The following RARB variants were observed in gnomAD, a reference collection of about 807,000 sequenced individuals.
RARB encodes retinoic acid receptor beta, also known as HBV-activated protein.
RARB carries 17 observed loss-of-function variants against 51.9 expected under a neutral mutation model. The ratio of observed to expected loss-of-function variants is 0.33; its 90% confidence interval spans 0.22 to 0.49. The LOEUF (loss-of-function observed/expected upper bound fraction) is 0.49. Among genes scored for constraint, RARB ranks in the 20% least tolerant of loss-of-function variants. RARB has a pLI of 0.99. For synonymous variants in RARB, 215 were observed against 195.4 expected (o/e 1.10, Z -0.84); for missense variants, 369 against 550.8 (o/e 0.67, Z 3.30).
intron 3 of RARB, among the ~76,000 whole-genome samples, chr3:25,538,585 G>A (rs1235933821): frequency 6.6e-6 from 1 of 152,150 alleles, no homozygotes; most frequent in Non-Finnish European, 1.5e-5. Context: ...TGGAGAGTAG[G>A]CATTTAGAAA....
At chr3:25,250,310 T>A (rs1428871454) in intron 5 of RARB, among the ~76,000 whole-genome samples, 1 of 152,180 alleles carries the variant, frequency 6.6e-6, no homozygotes, top group Admixed American at 6.5e-5. Context: ...CTCCATGTGA[T>A]GTGTGCAGGC....
intron 4 of RARB, among the ~76,000 whole-genome samples, chr3:25,153,539 G>T (rs780815325): frequency 1.3e-5 from 2 of 152,174 alleles, no homozygotes; most frequent in Non-Finnish European, 2.9e-5. Context: ...CTCGCCTAGA[G>T]TATCTGTGTG....
At chr3:24,993,925 T>C (rs1367076502) in intron 2 of RARB, among the ~76,000 whole-genome samples, 1 of 152,158 alleles carries the variant, frequency 6.6e-6, no homozygotes, top group African/African-American at 2.4e-5. Context: ...ACTAGGTTGA[T>C]TCCGTATCTT....
chr3:25,580,396 T>C, intron 4 of RARB, 150 bp from the exon 5 acceptor site: 3 of 709,054 alleles, frequency 4.2e-6, no homozygotes, highest in Non-Finnish European at 6.6e-6. Flanking sequence ...AAAGGATGAA[T>C]CCAGGCTAAA....
At chr3:25,188,016 G>A (rs74874278) in intron 5 of RARB, among the ~76,000 whole-genome samples, 2,019 of 152,160 alleles carry the variant, frequency 0.013, 47 homozygotes, top group African/African-American at 0.046. Context: ...AGAAATGAAT[G>A]TATTGACATG....
At chr3:25,175,319 A>G (rs189473886) in intron 5 of RARB, among the ~76,000 whole-genome samples, 16 of 152,302 alleles carry the variant, frequency 1.1e-4, no homozygotes, top group Admixed American at 5.2e-4. Flanking sequence ...TTGGTTTAGC[A>G]TCTGGAGGTG....
In RARB at chr3:25,013,564, C is replaced by T. The variant is rs565127024; in HGVS notation, c.-379-46561C>T. Among the ~76,000 whole-genome samples, 5 of 152,140 alleles carry T rather than the reference C, an allele frequency of 3.3e-5. 1 individual carries two copies. The highest frequency in any genetic ancestry group is 6.8e-3 in the Middle Eastern group (2 of 294). On this transcript the variant is annotated intron_variant, in intron 2 of 11. Transcript: ENST00000383772. The stretch of plus-strand genomic sequence containing the variant: ...CTGGGCTCTGACCTCTGATTTGAAC[C>T]CTTAACCACCATTTGCCCTCATCTC...
intron 5 of RARB, among the ~76,000 whole-genome samples, chr3:25,352,096 C>T (rs950063502): frequency 1.3e-5 from 2 of 152,130 alleles, no homozygotes; most frequent in South Asian, 2.1e-4. Flanking sequence ...TGGAGTTCTG[C>T]GTTGAAGTGG....
intron 5 of RARB, among the ~76,000 whole-genome samples, chr3:25,368,277 T>C (rs1167661750): frequency 6.6e-6 from 1 of 152,200 alleles, no homozygotes; most frequent in Non-Finnish European, 1.5e-5. Context: ...TCTGGGAATT[T>C]CTAGACTAGG....
chr3:25,107,854 C>T (rs995767194), intron 3 of RARB, among the ~76,000 whole-genome samples: 1 of 152,138 alleles, frequency 6.6e-6, no homozygotes, highest in Non-Finnish European at 1.5e-5. Flanking sequence ...TACTGTAGAT[C>T]TTAGCAACCT....
intron 3 of RARB, among the ~76,000 whole-genome samples, chr3:25,511,135 T>C (rs1343943252): frequency 4.2e-5 from 5 of 119,764 alleles, no homozygotes; most frequent in Non-Finnish European, 7.8e-5. Context: ...TTTTTTGTTT[T>C]GGTTTGTTTT....
intron 3 of RARB, among the ~76,000 whole-genome samples, chr3:25,069,368 A>G (rs753533627): frequency 6.6e-6 from 1 of 152,208 alleles, no homozygotes; most frequent in Non-Finnish European, 1.5e-5. Flanking sequence ...TTCCCTGGTG[A>G]CACAGAAAGT....
intron 2 of RARB, among the ~76,000 whole-genome samples, chr3:25,494,276 C>CACACAT (rs1225872441): frequency 1.4e-5 from 2 of 144,820 alleles, no homozygotes; most frequent in Non-Finnish European, 3.2e-5. Flanking sequence ...CACACACACA[C>CACACAT]ACATGCCATC....
intron 2 of RARB, among the ~76,000 whole-genome samples, chr3:24,991,640 G>GTTGT (rs1696914235): frequency 6.6e-6 from 1 of 152,054 alleles, no homozygotes; most frequent in African/African-American, 2.4e-5. Context: ...AACAAGCACA[G>GTTGT]TTGTATTACG....
intron 2 of RARB, among the ~76,000 whole-genome samples, chr3:24,951,091 A>T (rs1695881657): frequency 6.6e-6 from 1 of 152,128 alleles, no homozygotes. Context: ...CTTTGAAAGT[A>T]CTTTTTCAGT....
intron 4 of RARB, among the ~76,000 whole-genome samples, chr3:25,141,319 A>G (rs1411807633): frequency 6.6e-6 from 1 of 151,860 alleles, no homozygotes; most frequent in Non-Finnish European, 1.5e-5. Context: ...ATGAATAAGG[A>G]TGGTACAAAT....
intron 1 of RARB, among the ~76,000 whole-genome samples, chr3:24,847,654 G>C (rs374268070): frequency 1.3e-5 from 2 of 152,214 alleles, no homozygotes; most frequent in South Asian, 4.1e-4. Flanking sequence ...TTCTCACACT[G>C]CATGGGACTT....
intron 2 of RARB, among the ~76,000 whole-genome samples, chr3:25,004,037 G>A (rs1384001314): frequency 6.6e-6 from 1 of 152,120 alleles, no homozygotes; most frequent in Non-Finnish European, 1.5e-5. Flanking sequence ...AGCCAAGAAA[G>A]TAGTTTTTCT....
At chr3:25,204,701 G>C (rs150723776) in intron 5 of RARB, among the ~76,000 whole-genome samples, 3 of 152,200 alleles carry the variant, frequency 2.0e-5, no homozygotes, top group Non-Finnish European at 4.4e-5. Flanking sequence ...TCCAGACCCT[G>C]TTTGCCTGGG....
Sources: allele counts gnomAD v4.1 joint callset (sites outside exome capture counted in the v4.1 genomes callset), GRCh38; gene constraint gnomAD v4.1.1; transcripts MANE v1.5; gene names NCBI Gene and HGNC (gene_info 2026-07-23, HGNC 2026-07-21).